The following VRK2 variants were observed in gnomAD, a reference collection of about 807,000 sequenced individuals.
VRK2 encodes the protein VRK serine/threonine kinase 2, also known as serine/threonine-protein kinase VRK2.
In VRK2, 60 loss-of-function variants were observed where a neutral mutation model predicts 57.6. The observed-to-expected ratio is 1.04, with a 90% confidence interval of 0.85 to 1.29. VRK2 has a LOEUF of 1.29. Among genes scored for constraint, VRK2 ranks in the 50% most tolerant of loss-of-function variants. The pLI is 0.00. For missense variants in VRK2, 705 were observed against 588.1 expected, an observed-to-expected ratio of 1.20 and a Z score of -2.06; for synonymous variants, 231 against 199.2, an observed-to-expected ratio of 1.16 and a Z score of -1.35.
intron 2 of VRK2, 22 bp from the exon 3 acceptor site, chr2:58,084,067 T>C: frequency 1.2e-6 from 2 of 1,603,234 alleles, no homozygotes; most frequent in South Asian, 1.1e-5. Context: ...TTTTCTCCAT[T>C]GTGTGTTTTT....
At chr2:57,994,009 C>T (rs563719911) in intron 1 of VRK2, among the ~76,000 whole-genome samples, 2 of 152,200 alleles carry the variant, frequency 1.3e-5, no homozygotes, top group Non-Finnish European at 2.9e-5. Context: ...AACAGCCTTT[C>T]AAGTCTTATA....
chr2:58,040,644 T>C (rs976316829), intron 3 of VRK2, among the ~76,000 whole-genome samples: 1 of 152,188 alleles, frequency 6.6e-6, no homozygotes, highest in Non-Finnish European at 1.5e-5. Flanking sequence ...TCCATTTTGA[T>C]GCCTTGCAAG....
intron 3 of VRK2, chr2:58,040,954 T>C (rs1024601465): frequency 4.9e-6 from 4 of 818,512 alleles, no homozygotes; most frequent in Middle Eastern, 6.3e-4. Context: ...ACTTCTCCTC[T>C]GAAGGTGTCA....
intron 3 of VRK2, among the ~76,000 whole-genome samples, chr2:58,033,893 G>C (rs1330708740): frequency 1.3e-5 from 2 of 151,918 alleles, no homozygotes; most frequent in East Asian, 1.9e-4. Context: ...AATGGGCATG[G>C]TTTCTGTTAA....
chr2:58,159,917 G>A (rs1573492171), downstream of VRK2: 1 of 1,539,770 alleles, frequency 6.5e-7, no homozygotes, highest in East Asian at 2.3e-5. Flanking sequence ...AAACACTTCT[G>A]AAGTTTCAGA....
At chr2:58,017,268 T>C (rs1041094044) in intron 1 of VRK2, among the ~76,000 whole-genome samples, 2 of 152,198 alleles carry the variant, frequency 1.3e-5, no homozygotes, top group Non-Finnish European at 2.9e-5. Context: ...CAGCCAGTTG[T>C]CCTATTAGTG....
intron 2 of VRK2, among the ~76,000 whole-genome samples, chr2:58,064,763 G>A (rs531640589): frequency 6.6e-6 from 1 of 152,010 alleles, no homozygotes; most frequent in Non-Finnish European, 1.5e-5. Context: ...AATAGGAAAA[G>A]TTTTAATTTG....
In VRK2 at chr2:58,040,873, A is replaced by G. The variant is rs185398669; in HGVS notation, c.-6+7320A>G. On this transcript the variant is annotated intron_variant, in intron 3 of 15. Transcript: ENST00000417641. ...AAGGTTCGTTCAAGACCCTTAGAGG[A>G]TGTTGTTGCAATTGCATGAAAGGTA... is the stretch of plus-strand genomic sequence containing the variant. Among the ~76,000 whole-genome samples the G allele has an allele frequency of 1.8e-4, 28 of 152,288 alleles. No individual in the cohort carries two copies. The East Asian group carries it at 5.4e-3, about 29-fold the overall frequency.
At chr2:58,122,402 A>G (rs1439506026) in intron 7 of VRK2, among the ~76,000 whole-genome samples, 1 of 152,238 alleles carries the variant, frequency 6.6e-6, no homozygotes, top group Non-Finnish European at 1.5e-5. Flanking sequence ...CAATCGAGTA[A>G]TACATATTCT....
chr2:58,050,765 C>A (rs1675592642), intron 2 of VRK2, among the ~76,000 whole-genome samples: 2 of 152,146 alleles, frequency 1.3e-5, no homozygotes, highest in Non-Finnish European at 2.9e-5. Context: ...AATATACTTG[C>A]ATAGGCATGT....
intron 1 of VRK2, among the ~76,000 whole-genome samples, chr2:58,002,477 A>C (rs79078612): frequency 6.7e-6 from 1 of 149,442 alleles, no homozygotes; most frequent in Non-Finnish European, 1.5e-5. Context: ...TTCCATCTCC[A>C]AAAAAAAAAG....
upstream of VRK2, among the ~76,000 whole-genome samples, chr2:58,045,466 GATT>G (rs1674670870): frequency 6.6e-6 from 1 of 152,100 alleles, no homozygotes. Flanking sequence ...TGGATATTAG[GATT>G]ATTATGCATC....
At chr2:58,029,561 T>A (rs1446645583) in intron 2 of VRK2, among the ~76,000 whole-genome samples, 4 of 152,168 alleles carry the variant, frequency 2.6e-5, no homozygotes, top group Non-Finnish European at 5.9e-5. Flanking sequence ...ATGACTAGCA[T>A]AACTTGTGAG....
intron 9 of VRK2, 149 bp downstream of exon 9, chr2:58,132,077 CA>C (rs1469644319): frequency 2.2e-6 from 2 of 910,400 alleles, no homozygotes; most frequent in Admixed American, 6.8e-5. Flanking sequence ...TTAAAAAAAC[CA>C]AACAACTAAC....
Position 58,048,497 on chromosome 2 carries a change from T to C in VRK2, c.-5-330T>C, listed in dbSNP as rs777199788. 333 of 1,170,764 alleles carry C rather than the reference T, an allele frequency of 2.8e-4. 1 individual carries two copies. Among genetic ancestry groups the C allele is most frequent in the Non-Finnish European group, 3.7e-4 (324 of 886,942 alleles). 72.5% of individuals were successfully genotyped at this position (1,170,764 alleles called of 1,614,324 possible). A position where few individuals can be genotyped will look rare whatever the true frequency, so the allele number is the denominator to read the frequency against. ...ACATGAAATTTATTTTCTTTCTTCA[T>C]TGGAAATTGTTAATTTCGTGTTTCT... On this transcript the variant is annotated intron_variant, in intron 1 of 12. Transcript: ENST00000340157.
In VRK2 at chr2:57,917,201, A is replaced by G. The variant is rs776562485; in HGVS notation, c.-439+9362A>G. 2.0e-5 allele frequency among the ~76,000 whole-genome samples: 3 copies of G among 152,280 alleles called. No homozygotes were observed. In the East Asian group the frequency reaches 5.8e-4, roughly 29 times the overall value. On this transcript the variant is annotated intron_variant, in intron 1 of 15. Transcript: ENST00000417641. ...CAACAACCTGGGAGATAATTTGTTG[A>G]AATACAAGAAACAACATGTAGGAAA...
intron 2 of VRK2, among the ~76,000 whole-genome samples, chr2:58,031,113 C>T (rs1674098059): frequency 6.6e-6 from 1 of 152,048 alleles, no homozygotes; most frequent in African/African-American, 2.4e-5. Context: ...AGTATGATAA[C>T]ATACTTGTTA....
chr2:58,139,271 A>C (rs1558690001), intron 10 of VRK2, among the ~76,000 whole-genome samples: 1 of 152,148 alleles, frequency 6.6e-6, no homozygotes, highest in Admixed American at 6.6e-5. Flanking sequence ...GTTTATAATA[A>C]GTAACACTTT....
intron 1 of VRK2, among the ~76,000 whole-genome samples, chr2:57,952,135 T>C (rs1048744409): frequency 6.6e-6 from 1 of 151,678 alleles, no homozygotes; most frequent in Non-Finnish European, 1.5e-5. Context: ...GAGATAGAGA[T>C]AGAGATAGAG....
Sources: gnomAD v4.1 joint callset for allele counts (sites outside exome capture counted in the v4.1 genomes callset) on GRCh38, gnomAD v4.1.1 for gene constraint, MANE v1.5 for transcripts, NCBI Gene and HGNC (gene_info 2026-07-23, HGNC 2026-07-21) for gene names.